Variants in CYB5B observed in about 807,000 individuals in gnomAD.
CYB5B encodes cytochrome b5 type B.
CYB5B carries 14 observed loss-of-function variants against 21.3 expected under a neutral mutation model. The observed-to-expected ratio is 0.66, with a 90% CI of 0.43 to 1.03. The LOEUF (loss-of-function observed/expected upper bound fraction) is 1.03. Among genes scored for constraint, CYB5B ranks in the 50% least tolerant of loss-of-function variants. The pLI is 0.00. For missense variants in CYB5B, 166 were observed against 185.1 expected (o/e 0.90, Z 0.60); for synonymous variants, 69 against 68.4 (o/e 1.01, Z -0.04).
At chr16:69,448,951 T>TTTAA (rs1293484603) in intron 3 of CYB5B, 2 of 152,186 alleles carry the variant, frequency 1.3e-5, no homozygotes, top group East Asian at 3.8e-4. Flanking sequence ...ACTGAATAGG[T>TTTAA]TTGACACAGC....
chr16:69,439,580 T>G (rs1253922063), intron 1 of CYB5B, among the ~76,000 whole-genome samples: 8 of 152,020 alleles, frequency 5.3e-5, no homozygotes, highest in Non-Finnish European at 2.9e-5. Context: ...TCTACCATCT[T>G]TTTTTTGAGA....
intron 3 of CYB5B, chr16:69,449,216 A>AG (rs1279448901): frequency 6.6e-6 from 1 of 152,104 alleles, no homozygotes; most frequent in Non-Finnish European, 1.5e-5. Flanking sequence ...TCCTTAAAAA[A>AG]AAAAAATTAA....
At chr16:69,437,224 A>C (rs1182091201) in intron 1 of CYB5B, among the ~76,000 whole-genome samples, 1 of 152,212 alleles carries the variant, frequency 6.6e-6, no homozygotes. Flanking sequence ...AGTTTATTTG[A>C]AACATTTCAT....
chr16:69,450,264 A>AT (rs2014920121), intron 3 of CYB5B: 1 of 151,104 alleles, frequency 6.6e-6, no homozygotes, highest in Admixed American at 6.6e-5. Context: ...TGAGCCTTAG[A>AT]TTTTTTTGTA....
Position 69,462,580 on chromosome 16 carries a change from T to G in CYB5B, c.*60T>G. 2 of 1,424,228 alleles carry G rather than the reference T, an allele frequency of 1.4e-6. No homozygotes were observed. Among genetic ancestry groups the G allele is most frequent in the Non-Finnish European group, 2.0e-6 (2 of 1,012,786 alleles). 88.2% of individuals were successfully genotyped at this position (1,424,228 alleles called of 1,614,324 possible). A position where few individuals can be genotyped will look rare whatever the true frequency, so the allele number is the denominator to read the frequency against. ...TTGGGGCGAAAACTAGAGACTTGCTTGGGGGCTGCAGAAGTGCCCTCTCCT... is the reference window on the plus strand; with the variant it reads ...TTGGGGCGAAAACTAGAGACTTGCTGGGGGGCTGCAGAAGTGCCCTCTCCT... On this transcript the variant is annotated 3_prime_UTR_variant, in exon 5 of 5. Transcript: ENST00000307892.
chr16:69,435,689 G>A (rs959480314), intron 1 of CYB5B, among the ~76,000 whole-genome samples: 78 of 152,208 alleles, frequency 5.1e-4, no homozygotes, highest in African/African-American at 1.9e-3. Context: ...CCAGGCTGGA[G>A]TGCAGTGGCG....
At chr16:69,460,118 C>G (rs943376627) in intron 4 of CYB5B, among the ~76,000 whole-genome samples, 1 of 151,664 alleles carries the variant, frequency 6.6e-6, no homozygotes, top group Non-Finnish European at 1.5e-5. Context: ...CATGGTGGTG[C>G]GAGCTTTGGG....
At chr16:69,433,963 G>A (rs907840963) in intron 1 of CYB5B, among the ~76,000 whole-genome samples, 39 of 152,184 alleles carry the variant, frequency 2.6e-4, no homozygotes, top group Non-Finnish European at 5.9e-5. Context: ...ACAGTAACAA[G>A]TATTTGTGCA....
rs981486313 is a variant in CYB5B at position 69,462,323 on chromosome 16, A to G, written c.363-107A>G. ...TGATAAAAGCAGTTAAATTTCCCAA[A>G]GTAAATAAAAACTCCTTGCCTATAT... On this transcript the variant is annotated intron_variant, in intron 4 of 4. Coordinates refer to ENST00000307892, the MANE Select transcript of CYB5B (RefSeq NM_030579.3). 6 of 849,432 alleles carry G rather than the reference A, an allele frequency of 7.1e-6. 1 individual carries two copies. In the South Asian group the frequency reaches 9.3e-5, roughly 13 times the overall value. 52.6% of individuals were successfully genotyped at this position (849,432 alleles called of 1,614,324 possible).
At chr16:69,430,611 C>G (rs2014695949) in intron 1 of CYB5B, among the ~76,000 whole-genome samples, 1 of 151,534 alleles carries the variant, frequency 6.6e-6, no homozygotes, top group South Asian at 2.1e-4. Flanking sequence ...AAGCCATTGA[C>G]TTGTGTATAA....
Position 69,463,737 on chromosome 16 carries a change from A to G in CYB5B, c.*1217A>G, listed in dbSNP as rs567556990. On this transcript the variant is annotated 3_prime_UTR_variant, in exon 5 of 5. Coordinates refer to ENST00000307892, the MANE Select transcript of CYB5B (RefSeq NM_030579.3). ...CCGTTTTCCATTTCATCTGTATTTT[A>G]TCTCCGTGACTCCAACTTGTGGGTT... is the stretch of plus-strand genomic sequence containing the variant. 6.6e-6 allele frequency: 1 copy of G among 152,230 alleles called. No homozygotes were observed. The highest frequency in any genetic ancestry group is 2.1e-4 in the South Asian group (1 of 4,822). The allele number at this position is 152,230 out of a possible 1,614,324, so 9.4% of individuals were successfully genotyped here. A position where few individuals can be genotyped will look rare whatever the true frequency, so the allele number is the denominator to read the frequency against.
At chr16:69,435,642 A>G (rs2014752282) in intron 1 of CYB5B, among the ~76,000 whole-genome samples, 2 of 152,046 alleles carry the variant, frequency 1.3e-5, no homozygotes, top group Non-Finnish European at 2.9e-5. Context: ...TAATTAATTA[A>G]TTTATTTGTT....
intron 1 of CYB5B, among the ~76,000 whole-genome samples, chr16:69,426,317 T>G (rs1275959846): frequency 6.7e-6 from 1 of 149,622 alleles, no homozygotes; most frequent in African/African-American, 2.5e-5. Context: ...GAGAATGGCG[T>G]GAACCCGGGA....
At chr16:69,449,876 C>G (rs1438626153) in intron 3 of CYB5B, 1 of 152,156 alleles carries the variant, frequency 6.6e-6, no homozygotes, top group Admixed American at 6.5e-5. Context: ...TAAGCATTGT[C>G]TGCCTTCTAT....
At chr16:69,430,276 G>A (rs2014692210) in intron 1 of CYB5B, among the ~76,000 whole-genome samples, 2 of 151,938 alleles carry the variant, frequency 1.3e-5, no homozygotes, top group African/African-American at 4.8e-5. Context: ...GAGTGCAGTG[G>A]TGCCATCTTG....
In CYB5B at chr16:69,459,101, A is replaced by G; in HGVS notation, c.342A>G (p.Ser114=). ...LKPESGSKDP[S]KNDTCKSCWA... Reference sequence around the variant, plus strand: ...TTTTTTTTTTATTTCAGGACCCTTCAAAAAATGATACATGCAAAAGGTTAG... The same window carrying G: ...TTTTTTTTTTATTTCAGGACCCTTCGAAAAATGATACATGCAAAAGGTTAG... Residue 114 remains serine (S), a synonymous_variant, in exon 4 of 5, where the codon TCA becomes TCG. Transcript: ENST00000307892. 1 of 1,601,716 alleles carries G rather than the reference A, an allele frequency of 6.2e-7. No homozygotes were observed. Among genetic ancestry groups the G allele is most frequent in the Non-Finnish European group, 8.5e-7 (1 of 1,176,094 alleles).
At chr16:69,448,671 T>C (rs946221099) in intron 3 of CYB5B, 1 of 154,248 alleles carries the variant, frequency 6.5e-6, no homozygotes, top group Admixed American at 6.5e-5. Flanking sequence ...GACTAAGTAT[T>C]TGAGTGTTTG....
Position 69,442,622 on chromosome 16 carries a change from C to T in CYB5B, c.175-4528C>T, listed in dbSNP as rs565119889. On this transcript the variant is annotated intron_variant, in intron 1 of 4. Transcript: ENST00000307892. Reference sequence around the variant, plus strand: ...TCGAATTCCTTGGCTTCTGGATGATCCTCCTAATTCAGCTTCCTGAGTAGC... The same window carrying T: ...TCGAATTCCTTGGCTTCTGGATGATTCTCCTAATTCAGCTTCCTGAGTAGC... 8.6e-5 allele frequency among the ~76,000 whole-genome samples: 13 copies of T among 151,694 alleles called. 1 individual carries two copies. The South Asian group carries it at 2.3e-3, about 27-fold the overall frequency.
chr16:69,453,097 C>A (rs919079799), intron 3 of CYB5B, among the ~76,000 whole-genome samples: 5 of 151,856 alleles, frequency 3.3e-5, no homozygotes, highest in African/African-American at 1.2e-4. Flanking sequence ...AGGATTTGAT[C>A]TGTTTTTTAA....
Sources: allele counts gnomAD v4.1 joint callset (sites outside exome capture counted in the v4.1 genomes callset), GRCh38; gene constraint gnomAD v4.1.1; transcripts MANE v1.5; gene names NCBI Gene and HGNC (gene_info 2026-07-23, HGNC 2026-07-21).